The following DIP2C variants were observed in gnomAD, a reference collection of about 807,000 sequenced individuals.
DIP2C encodes disco-interacting protein 2 homolog C.
In DIP2C, 33 loss-of-function variants were observed where a neutral mutation model predicts 192.4. The observed-to-expected ratio is 0.17, with a 90% confidence interval of 0.13 to 0.23. The LOEUF (loss-of-function observed/expected upper bound fraction) is 0.23. Among genes scored for constraint, DIP2C ranks in the 10% least tolerant of loss-of-function variants. The pLI, the probability that DIP2C is intolerant of heterozygous loss-of-function variation, is 1.00. For synonymous variants in DIP2C, 979 were observed against 864.1 expected (o/e 1.13, Z -2.33); for missense variants, 1,537 against 2,110.1 (o/e 0.73, Z 5.32).
chr10:575,952 C>CA (rs778680266), intron 1 of DIP2C, among the ~76,000 whole-genome samples: 5 of 152,228 alleles, frequency 3.3e-5, no homozygotes, highest in Non-Finnish European at 7.3e-5. Context: ...TTGTGTCTGT[C>CA]ACATCCCCCA....
chr10:276,673 T>G lies in DIP2C; in HGVS notation c.*652A>C, dbSNP rs1954534768. ...AGTACAAAGATATTTGCAAGATAATTGCCGAAATACACCTTATTTATAATT... is the reference window on the plus strand; with the variant it reads ...AGTACAAAGATATTTGCAAGATAATGGCCGAAATACACCTTATTTATAATT... On this transcript the variant is annotated 3_prime_UTR_variant, in exon 37 of 37. Coordinates refer to ENST00000280886, the MANE Select transcript of DIP2C (RefSeq NM_014974.3). 6.5e-6 allele frequency: 1 copy of G among 152,846 alleles called. No homozygotes were observed. Among genetic ancestry groups the G allele is most frequent in the Admixed American group, 6.5e-5 (1 of 15,314 alleles). 9.5% of individuals were successfully genotyped at this position (152,846 alleles called of 1,614,324 possible).
intron 9 of DIP2C, among the ~76,000 whole-genome samples, chr10:401,111 G>A (rs1344643965): frequency 6.9e-6 from 1 of 144,468 alleles, no homozygotes; most frequent in Non-Finnish European, 1.5e-5. Flanking sequence ...TACACGTGTG[G>A]TAGCATTAGC....
chr10:526,780 T>A (rs772923216), intron 1 of DIP2C, among the ~76,000 whole-genome samples: 1 of 152,212 alleles, frequency 6.6e-6, no homozygotes, highest in Non-Finnish European at 1.5e-5. Context: ...GCCTCAGCAC[T>A]GTGTGCCTCT....
chr10:467,557 T>C (rs898197824), intron 3 of DIP2C, among the ~76,000 whole-genome samples: 22 of 107,860 alleles, frequency 2.0e-4, no homozygotes, highest in African/African-American at 6.1e-4. Flanking sequence ...ATAAAAATTA[T>C]TTAAGTGTAA....
chr10:431,413 A>T (rs1034897979), intron 4 of DIP2C, among the ~76,000 whole-genome samples: 1 of 152,172 alleles, frequency 6.6e-6, no homozygotes, highest in Non-Finnish European at 1.5e-5. Flanking sequence ...TTTATGCCTG[A>T]GTATTCCATT....
Position 310,103 on chromosome 10 carries a change from CA to C in DIP2C, c.3925-12del. 1 of 1,614,066 alleles carries C rather than the reference CA, an allele frequency of 6.2e-7. No individual in the cohort carries two copies. Among genetic ancestry groups the C allele is most frequent in the Non-Finnish European group, 8.5e-7 (1 of 1,179,912 alleles). On this transcript the variant is annotated splice_polypyrimidine_tract_variant and intron_variant, in intron 31 of 36. Coordinates refer to ENST00000280886, the MANE Select transcript of DIP2C (RefSeq NM_014974.3). ...AGGTCCTGAGGTTCCCTGCAAGCAACAACAGAGTGGTTAACTCAAGTTTACA... is the reference window on the plus strand; with the variant it reads ...AGGTCCTGAGGTTCCCTGCAAGCAACACAGAGTGGTTAACTCAAGTTTACA...
intron 1 of DIP2C, among the ~76,000 whole-genome samples, chr10:601,857 C>T (rs1014513238): frequency 6.6e-6 from 1 of 152,146 alleles, no homozygotes; most frequent in African/African-American, 2.4e-5. Context: ...GCCTGTTCTC[C>T]AGAGGGGCCT....
intron 4 of DIP2C, among the ~76,000 whole-genome samples, chr10:424,687 ACACAATTTC>A (rs1248211288): frequency 6.6e-6 from 1 of 152,166 alleles, no homozygotes; most frequent in African/African-American, 2.4e-5. Context: ...AAGAAAACTT[ACACAATTTC>A]TATAAAAGTA....
At chr10:506,448 A>C (rs1290474943) in intron 1 of DIP2C, among the ~76,000 whole-genome samples, 1 of 152,122 alleles carries the variant, frequency 6.6e-6, no homozygotes, top group Admixed American at 6.5e-5. Flanking sequence ...GAGGCTTTCA[A>C]CTGTCCATGT....
At chr10:340,715 G>A (rs771141267) in intron 29 of DIP2C, 14 of 456,002 alleles carry the variant, frequency 3.1e-5, no homozygotes, top group Non-Finnish European at 5.7e-5. Flanking sequence ...TGTAAGCCAG[G>A]CTCCGAGCCG....
At position 500,104 on chromosome 10, in the gene DIP2C, A is replaced by C. The variant is rs576070084; in HGVS notation, c.86-13574T>G. ...CAAGCGCAGACTCCTGCAAGCCTTC[A>C]CAGCAGATGTGGGTTCAGCTGGGCC... On this transcript the variant is annotated intron_variant, in intron 1 of 36. Transcript: ENST00000280886. Among the ~76,000 whole-genome samples, 4 of 152,224 alleles carry C rather than the reference A, an allele frequency of 2.6e-5. No homozygotes were observed. The South Asian group carries it at 8.3e-4, about 32-fold the overall frequency.
chr10:673,819 G>A (rs1365130288), intron 1 of DIP2C, among the ~76,000 whole-genome samples: 1 of 152,214 alleles, frequency 6.6e-6, no homozygotes, highest in Non-Finnish European at 1.5e-5. Flanking sequence ...GCCGTCTCCT[G>A]CCCCAGGTGC....
chr10:503,100 C>G (rs575008863), intron 1 of DIP2C, among the ~76,000 whole-genome samples: 169 of 152,178 alleles, frequency 1.1e-3, no homozygotes, highest in African/African-American at 3.6e-3. Flanking sequence ...AGACTTACCA[C>G]GATTCCAACA....
intron 1 of DIP2C, among the ~76,000 whole-genome samples, chr10:646,385 T>C (rs1003399223): frequency 6.6e-6 from 1 of 150,966 alleles, no homozygotes; most frequent in Non-Finnish European, 1.5e-5. Flanking sequence ...AACTCCCCAC[T>C]GTCTCTTACT....
intron 22 of DIP2C, among the ~76,000 whole-genome samples, chr10:360,467 G>A (rs769545523): frequency 2.0e-5 from 3 of 152,284 alleles, no homozygotes; most frequent in Admixed American, 1.3e-4. Context: ...GTCGGCAGCC[G>A]CATCGCTGGT....
intron 14 of DIP2C, among the ~76,000 whole-genome samples, chr10:385,278 G>C (rs956260169): frequency 2.6e-5 from 4 of 152,230 alleles, no homozygotes; most frequent in Admixed American, 1.3e-4. Flanking sequence ...TGGTCTGCAT[G>C]AATGTGACAC....
intron 1 of DIP2C, among the ~76,000 whole-genome samples, chr10:556,156 G>GCACC (rs1365893997): frequency 1.2e-5 from 1 of 81,476 alleles, no homozygotes; most frequent in Non-Finnish European, 2.3e-5. Context: ...TCCGAGGACG[G>GCACC]CACCCACCCC....
chr10:620,836 A>G (rs1258238308), intron 1 of DIP2C, among the ~76,000 whole-genome samples: 1 of 152,250 alleles, frequency 6.6e-6, no homozygotes, highest in East Asian at 1.9e-4. Flanking sequence ...TTCAACGTTT[A>G]GTGGTAAAGC....
intron 1 of DIP2C, among the ~76,000 whole-genome samples, chr10:564,583 G>A (rs543643539): frequency 7.9e-5 from 12 of 152,148 alleles, no homozygotes; most frequent in East Asian, 7.7e-4. Context: ...CAGGTCTGCC[G>A]CTGGACTCTG....
Sources: allele counts gnomAD v4.1 joint callset (sites outside exome capture counted in the v4.1 genomes callset), GRCh38; gene constraint gnomAD v4.1.1; transcripts MANE v1.5; gene names NCBI Gene and HGNC (gene_info 2026-07-23, HGNC 2026-07-21).